The following GPM6A variants were observed in gnomAD, a reference collection of about 807,000 sequenced individuals.
The protein encoded by GPM6A is glycoprotein M6A.
In GPM6A, 7 loss-of-function variants were observed where a neutral mutation model predicts 32.1. The observed-to-expected ratio is 0.22, with a 90% CI of 0.12 to 0.41. The LOEUF is 0.41. Among genes scored for constraint, GPM6A ranks in the 10% least tolerant of loss-of-function variants. The pLI is 1.00. For synonymous variants in GPM6A, 130 were observed against 123.4 expected, an observed-to-expected ratio of 1.05 and a Z score of -0.35; for missense variants, 235 against 347.2, an observed-to-expected ratio of 0.68 and a Z score of 2.57.
At chr4:175,727,176 A>G (rs1579432699) in intron 1 of GPM6A, among the ~76,000 whole-genome samples, 1 of 152,196 alleles carries the variant, frequency 6.6e-6, no homozygotes, top group Non-Finnish European at 1.5e-5. Context: ...TGTCATCGGT[A>G]TTACCAAAAG....
intron 1 of GPM6A, among the ~76,000 whole-genome samples, chr4:175,843,798 G>A (rs1736009790): frequency 6.6e-6 from 1 of 152,132 alleles, no homozygotes; most frequent in African/African-American, 2.4e-5. Context: ...TAAGGTGACT[G>A]GATACAGTCA....
At chr4:175,645,960 T>A (rs536336741) in intron 4 of GPM6A, among the ~76,000 whole-genome samples, 2 of 151,812 alleles carry the variant, frequency 1.3e-5, no homozygotes, top group Admixed American at 1.3e-4. Context: ...TCTAGGGGGG[T>A]TTTCTTTATT....
chr4:175,983,741 T>A (rs1301533761), intron 1 of GPM6A, among the ~76,000 whole-genome samples: 2 of 152,230 alleles, frequency 1.3e-5, no homozygotes, highest in Non-Finnish European at 2.9e-5. Context: ...GTCTAGAGTG[T>A]TATTTTATTT....
intron 1 of GPM6A, among the ~76,000 whole-genome samples, chr4:175,752,471 G>T (rs1464692871): frequency 6.6e-6 from 1 of 152,068 alleles, no homozygotes; most frequent in Non-Finnish European, 1.5e-5. Flanking sequence ...TTTCAAACCA[G>T]TCACACTTGG....
intron 1 of GPM6A, among the ~76,000 whole-genome samples, chr4:175,755,184 C>T (rs1732481347): frequency 6.6e-6 from 1 of 151,770 alleles, no homozygotes; most frequent in African/African-American, 2.4e-5. Context: ...GTTGTTGTTA[C>T]AGAAGAAAAA....
upstream of GPM6A, chr4:175,812,303 T>TTTTTG (rs1734957947): frequency 3.1e-6 from 3 of 953,844 alleles, no homozygotes; most frequent in Admixed American, 6.0e-5. Flanking sequence ...AACTGGGGGT[T>TTTTTG]TTTTTTTTTT....
At chr4:175,906,124 T>C (rs1738124357) in intron 1 of GPM6A, among the ~76,000 whole-genome samples, 1 of 152,144 alleles carries the variant, frequency 6.6e-6, no homozygotes, top group African/African-American at 2.4e-5. Context: ...AGTGAATCAA[T>C]GGCCACAGCT....
upstream of GPM6A, chr4:175,812,337 T>TTTTTTTTA: frequency 7.4e-7 from 1 of 1,346,910 alleles, no homozygotes; most frequent in Non-Finnish European, 9.6e-7. Flanking sequence ...TTTTTTTTTT[T>TTTTTTTTA]TTTCCTGGGA....
At chr4:175,906,299 A>T (rs1399114430) in intron 1 of GPM6A, among the ~76,000 whole-genome samples, 1 of 152,126 alleles carries the variant, frequency 6.6e-6, no homozygotes, top group Non-Finnish European at 1.5e-5. Flanking sequence ...TAAACCTAAG[A>T]TTCATGATGT....
chr4:175,881,335 C>A (rs1737268804), intron 1 of GPM6A, among the ~76,000 whole-genome samples: 1 of 152,096 alleles, frequency 6.6e-6, no homozygotes, highest in Non-Finnish European at 1.5e-5. Flanking sequence ...ATTAAAAAGT[C>A]AGGAAACAAC....
intron 2 of GPM6A, among the ~76,000 whole-genome samples, chr4:175,678,984 A>G (rs1295894466): frequency 6.6e-6 from 1 of 152,156 alleles, no homozygotes; most frequent in South Asian, 2.1e-4. Flanking sequence ...ACATCTTCAC[A>G]GTGTATAGTT....
chr4:175,989,509 T>C (rs1741074155), intron 1 of GPM6A, among the ~76,000 whole-genome samples: 1 of 152,024 alleles, frequency 6.6e-6, no homozygotes, highest in South Asian at 2.1e-4. Flanking sequence ...CATACAAGTA[T>C]TAAAGTATTA....
intron 1 of GPM6A, among the ~76,000 whole-genome samples, chr4:175,862,585 T>C (rs972443524): frequency 6.6e-6 from 1 of 152,174 alleles, no homozygotes; most frequent in African/African-American, 2.4e-5. Context: ...ACAGTGCTGT[T>C]TGAACTTTCT....
intron 1 of GPM6A, among the ~76,000 whole-genome samples, chr4:175,891,156 T>C (rs1280758140): frequency 6.6e-6 from 1 of 152,154 alleles, no homozygotes; most frequent in African/African-American, 2.4e-5. Flanking sequence ...TTGTGATCAT[T>C]ATAGGCCAAA....
rs564977251 is a variant in GPM6A at position 175,919,964 on chromosome 4, C to T, written c.-23+82345G>A. Among the ~76,000 whole-genome samples, 18 of 152,298 alleles carry T rather than the reference C, an allele frequency of 1.2e-4. No homozygotes were observed. In the South Asian group the frequency reaches 1.7e-3, roughly 14 times the overall value. On this transcript the variant is annotated intron_variant, in intron 1 of 7. Coordinates refer to the GPM6A transcript ENST00000280187. Reference sequence around the variant, plus strand: ...CTCCTGTCTAGACTTCCATCAAGGACGTTGTGAAGCAAAGAGAATCTTACT... The same window carrying T: ...CTCCTGTCTAGACTTCCATCAAGGATGTTGTGAAGCAAAGAGAATCTTACT...
intron 1 of GPM6A, among the ~76,000 whole-genome samples, chr4:175,921,478 A>C (rs889903846): frequency 6.6e-6 from 1 of 151,318 alleles, no homozygotes; most frequent in African/African-American, 2.4e-5. Context: ...AAATCCACGC[A>C]TGATCCTGCC....
At chr4:175,965,274 A>G (rs1327336096) in intron 1 of GPM6A, among the ~76,000 whole-genome samples, 1 of 152,196 alleles carries the variant, frequency 6.6e-6, no homozygotes, top group Non-Finnish European at 1.5e-5. Context: ...TATAAATCGT[A>G]AAGACAGACC....
At chr4:175,794,159 C>CA (rs1734120808) in intron 1 of GPM6A, among the ~76,000 whole-genome samples, 1 of 152,106 alleles carries the variant, frequency 6.6e-6, no homozygotes, top group Non-Finnish European at 1.5e-5. Flanking sequence ...GAAAAATTAT[C>CA]AAAAATCTCT....
chr4:175,722,529 A>C (rs950408548), intron 1 of GPM6A, among the ~76,000 whole-genome samples: 1 of 152,208 alleles, frequency 6.6e-6, no homozygotes, highest in Non-Finnish European at 1.5e-5. Flanking sequence ...ACCCTTTTGC[A>C]GCTTTCTTCC....
Sources: gnomAD v4.1 joint callset for allele counts (sites outside exome capture counted in the v4.1 genomes callset) on GRCh38, gnomAD v4.1.1 for gene constraint, MANE v1.5 for transcripts, NCBI Gene and HGNC (gene_info 2026-07-23, HGNC 2026-07-21) for gene names.